EIF2B3: variants seen among roughly 807,000 people sequenced by gnomAD.
EIF2B3 encodes eukaryotic translation initiation factor 2B subunit gamma.
In EIF2B3, 20 loss-of-function variants were observed where a neutral mutation model predicts 54.1. The ratio of observed to expected loss-of-function variants is 0.37; its 90% CI spans 0.26 to 0.54. The LOEUF is 0.54. Ranked by LOEUF, EIF2B3 falls within the 20% of genes least tolerant of loss-of-function variation. The pLI is 0.86. For synonymous variants in EIF2B3, 153 were observed against 188.1 expected (o/e 0.81, Z 1.52); for missense variants, 448 against 547.8 (o/e 0.82, Z 1.82).
At chr1:44,901,004 C>T (rs776098667) in intron 5 of EIF2B3, among the ~76,000 whole-genome samples, 10 of 152,002 alleles carry the variant, frequency 6.6e-5, no homozygotes, top group Non-Finnish European at 1.3e-4. Flanking sequence ...GCTCCATCAC[C>T]CAGGCATGAT....
chr1:44,923,620 T>A (rs1036549594), intron 5 of EIF2B3, among the ~76,000 whole-genome samples: 3 of 148,002 alleles, frequency 2.0e-5, no homozygotes, highest in African/African-American at 7.6e-5. Flanking sequence ...CCTCAGAAAA[T>A]TTTAAAAATT....
intron 6 of EIF2B3, among the ~76,000 whole-genome samples, chr1:44,892,416 C>T (rs1207181553): frequency 1.3e-5 from 2 of 151,758 alleles, no homozygotes; most frequent in East Asian, 1.9e-4. Context: ...CCCATCTCTA[C>T]AAAAAATAAG....
At chr1:44,866,178 A>G (rs944025682) in intron 10 of EIF2B3, among the ~76,000 whole-genome samples, 1 of 151,990 alleles carries the variant, frequency 6.6e-6, no homozygotes, top group Non-Finnish European at 1.5e-5. Context: ...GTGGGCGGCT[A>G]ATGAGGTCAG....
intron 1 of EIF2B3, among the ~76,000 whole-genome samples, chr1:44,984,093 C>G (rs374230425): frequency 1.3e-5 from 2 of 152,216 alleles, no homozygotes; most frequent in East Asian, 3.9e-4. Context: ...GCAGGAGAAT[C>G]ACAGGAACCC....
At chr1:44,982,985 G>C (rs984690129) in intron 1 of EIF2B3, among the ~76,000 whole-genome samples, 1 of 152,040 alleles carries the variant, frequency 6.6e-6, no homozygotes, top group African/African-American at 2.4e-5. Context: ...GGTCAGGCTG[G>C]TCTCGAACTC....
chr1:44,867,535 A>T (rs1026727366), intron 10 of EIF2B3, among the ~76,000 whole-genome samples: 1 of 151,722 alleles, frequency 6.6e-6, no homozygotes, highest in Non-Finnish European at 1.5e-5. Context: ...AATATGAGAA[A>T]CTCCCTTCTG....
chr1:44,854,557 G>A (rs1445270637), intron 11 of EIF2B3, among the ~76,000 whole-genome samples: 2 of 150,894 alleles, frequency 1.3e-5, no homozygotes, highest in Non-Finnish European at 3.0e-5. Flanking sequence ...GCATGAAAAT[G>A]ATTAGAATTT....
At chr1:44,947,476 G>A (rs2148946336) in intron 3 of EIF2B3, among the ~76,000 whole-genome samples, 1 of 152,218 alleles carries the variant, frequency 6.6e-6, no homozygotes, top group South Asian at 2.1e-4. Context: ...GGTTAAATCA[G>A]AAAACCGGAT....
chr1:44,927,052 T>A (rs1190630885), intron 4 of EIF2B3, among the ~76,000 whole-genome samples: 1 of 151,830 alleles, frequency 6.6e-6, no homozygotes, highest in Non-Finnish European at 1.5e-5. Flanking sequence ...GAGAATTACT[T>A]GAACCCGGGA....
chr1:44,913,789 C>T (rs1384356441), intron 5 of EIF2B3, among the ~76,000 whole-genome samples: 7 of 151,376 alleles, frequency 4.6e-5, no homozygotes, highest in South Asian at 4.2e-4. Flanking sequence ...TGTGAGCCAC[C>T]GCACCCAGCC....
At chr1:44,859,056 T>C (rs1654528218) in intron 10 of EIF2B3, among the ~76,000 whole-genome samples, 1 of 152,160 alleles carries the variant, frequency 6.6e-6, no homozygotes. Context: ...ACCAGCACTT[T>C]GGGAGGCCGA....
chr1:44,952,648 G>A (rs1017347858), intron 3 of EIF2B3, among the ~76,000 whole-genome samples: 3 of 151,108 alleles, frequency 2.0e-5, no homozygotes, highest in African/African-American at 7.3e-5. Context: ...CGCCTCCCGG[G>A]TTCACGCCAT....
chr1:44,879,038 G>A (rs1655294545), intron 8 of EIF2B3, among the ~76,000 whole-genome samples: 1 of 152,144 alleles, frequency 6.6e-6, no homozygotes, highest in African/African-American at 2.4e-5. Context: ...TAGGATTATA[G>A]GCGTAAGACA....
At chr1:44,952,664 T>A in intron 3 of EIF2B3, among the ~76,000 whole-genome samples, 1 of 151,392 alleles carries the variant, frequency 6.6e-6, no homozygotes, top group Non-Finnish European at 1.5e-5. Flanking sequence ...GCCATTCTCC[T>A]GCCTCAGCCT....
intron 10 of EIF2B3, among the ~76,000 whole-genome samples, chr1:44,872,549 C>A (rs1026173300): frequency 6.6e-6 from 1 of 152,238 alleles, no homozygotes; most frequent in African/African-American, 2.4e-5. Context: ...ACCTGAGAAG[C>A]TGAGGCAGGA....
chr1:44,951,965 T>A (rs1367708878), intron 3 of EIF2B3, among the ~76,000 whole-genome samples: 2 of 79,408 alleles, frequency 2.5e-5, no homozygotes, highest in Non-Finnish European at 5.2e-5. Flanking sequence ...TTTTTTTTTT[T>A]TTTTTTTTTT....
intron 3 of EIF2B3, 70 bp downstream of exon 3, chr1:44,978,245 A>G (rs1337707374): frequency 6.3e-7 from 1 of 1,577,488 alleles, no homozygotes; most frequent in Non-Finnish European, 8.7e-7. Context: ...AAAAGACTAT[A>G]ATGCACTGGG....
At chr1:44,888,533 C>A (rs1290742027) in intron 6 of EIF2B3, among the ~76,000 whole-genome samples, 1 of 151,882 alleles carries the variant, frequency 6.6e-6, no homozygotes, top group African/African-American at 2.4e-5. Context: ...TGGTAAAAAT[C>A]ACTGTTTATC....
intron 3 of EIF2B3, among the ~76,000 whole-genome samples, chr1:44,971,668 A>T (rs972089029): frequency 1.3e-5 from 2 of 152,326 alleles, no homozygotes; most frequent in Middle Eastern, 3.4e-3. Flanking sequence ...AGACCACCAA[A>T]AATCCCAAGC....
Sources: allele counts gnomAD v4.1 joint callset (sites outside exome capture counted in the v4.1 genomes callset), GRCh38; gene constraint gnomAD v4.1.1; transcripts MANE v1.5; gene names NCBI Gene and HGNC (gene_info 2026-07-23, HGNC 2026-07-21).